UGT1A6: variants seen among roughly 807,000 people sequenced by gnomAD.
UGT1A6 encodes UDP-glucuronosyltransferase 1A6.
In UGT1A6, 32 loss-of-function variants were observed where a neutral mutation model predicts 44.4. That is an observed-to-expected ratio of 0.72 (90% CI 0.54 to 0.97). The LOEUF (loss-of-function observed/expected upper bound fraction) is 0.97, where lower values mean the gene tolerates loss of function less well. UGT1A6 is among the 50% of genes least tolerant of loss of function. The pLI is 0.00. For synonymous variants in UGT1A6, 238 were observed against 248.5 expected, an observed-to-expected ratio of 0.96 and a Z score of 0.40; for missense variants, 685 against 661.9, an observed-to-expected ratio of 1.03 and a Z score of -0.38.
In UGT1A6 at chr2:233,693,451, A is replaced by G. The variant is rs1260557973; in HGVS notation, c.447A>G (p.Thr149=). The part of the protein sequence containing the change: ...FKESKFDALF[T]DPALPCGVIL... ...AGAGCAAGTTTGATGCTCTTTTCAC[A>G]GACCCAGCCTTACCCTGTGGGGTGA... The change falls in exon 1 of 5, where the codon ACA becomes ACG. Residue 149 remains threonine, a synonymous_variant. Transcript: ENST00000305139. 6.2e-7 allele frequency: 1 copy of G among 1,614,126 alleles called. No individual in the cohort carries two copies. Among genetic ancestry groups the G allele is most frequent in the Non-Finnish European group, 8.5e-7 (1 of 1,180,028 alleles).
chr2:233,743,985 A>G (rs1333314866), intron 1 of UGT1A6: 3 of 1,283,108 alleles, frequency 2.3e-6, no homozygotes, highest in Non-Finnish European at 3.1e-6. Context: ...ACCCAGGCGC[A>G]GGCCCGAGTG....
At chr2:233,759,792 T>C (rs945566213) in intron 1 of UGT1A6, among the ~76,000 whole-genome samples, 3 of 152,146 alleles carry the variant, frequency 2.0e-5, no homozygotes, top group African/African-American at 7.2e-5. Flanking sequence ...ATGAAACACA[T>C]GATACAAGTG....
chr2:233,746,051 G>T (rs1270238597), intron 1 of UGT1A6, among the ~76,000 whole-genome samples: 3 of 151,680 alleles, frequency 2.0e-5, no homozygotes, highest in Non-Finnish European at 2.9e-5. Flanking sequence ...TGGATGCAGG[G>T]TCTAGAACGA....
intron 1 of UGT1A6, among the ~76,000 whole-genome samples, chr2:233,714,326 A>T (rs1163768805): frequency 6.6e-6 from 1 of 152,128 alleles, no homozygotes. Context: ...ACCACAGGAG[A>T]CCTAAGCACT....
chr2:233,729,776 C>T lies in UGT1A6; in HGVS notation c.861+35911C>T, dbSNP rs139850391. The T allele has an allele frequency of 1.9e-4, 310 of 1,613,846 alleles. 1 individual carries two copies. Among genetic ancestry groups the T allele is most frequent in the Non-Finnish European group, 2.3e-4 (267 of 1,179,864 alleles). ...CAAAGGGTCAAGAACATGCTCTACCCTCTGGCCCTGTCCTACATTTGCCAT... is the reference window on the plus strand; with the variant it reads ...CAAAGGGTCAAGAACATGCTCTACCTTCTGGCCCTGTCCTACATTTGCCAT... On this transcript the variant is annotated intron_variant, in intron 1 of 4. Transcript: ENST00000305139.
At chr2:233,755,411 C>G (rs1182147250) in intron 1 of UGT1A6, 4 of 330,942 alleles carry the variant, frequency 1.2e-5, no homozygotes, top group South Asian at 7.6e-5. Flanking sequence ...TTGGCCGAGG[C>G]CTGTGAGCGC....
chr2:233,733,931 G>A (rs1209244784), intron 1 of UGT1A6, among the ~76,000 whole-genome samples: 1 of 151,624 alleles, frequency 6.6e-6, no homozygotes, highest in Non-Finnish European at 1.5e-5. Flanking sequence ...TGAGGAAGGG[G>A]AACATCACAT....
At chr2:233,749,384 C>T (rs1010265911) in intron 1 of UGT1A6, among the ~76,000 whole-genome samples, 1 of 151,836 alleles carries the variant, frequency 6.6e-6, no homozygotes, top group Non-Finnish European at 1.5e-5. Flanking sequence ...TCCAGTTTTT[C>T]AATGTGAACA....
intron 1 of UGT1A6, among the ~76,000 whole-genome samples, chr2:233,736,036 C>T (rs2078722234): frequency 6.6e-6 from 1 of 152,082 alleles, no homozygotes; most frequent in Non-Finnish European, 1.5e-5. Context: ...CTCTGTATTT[C>T]CTGAATTTGA....
chr2:233,727,172 G>A (rs930119723), intron 1 of UGT1A6, among the ~76,000 whole-genome samples: 2 of 152,114 alleles, frequency 1.3e-5, no homozygotes, highest in African/African-American at 2.4e-5. Flanking sequence ...GCTTTTTTCT[G>A]TCTCTGGACT....
intron 1 of UGT1A6, among the ~76,000 whole-genome samples, chr2:233,759,944 G>C (rs1242141869): frequency 6.6e-6 from 1 of 152,160 alleles, no homozygotes; most frequent in African/African-American, 2.4e-5. Context: ...AGCCTAACTT[G>C]TTCACTACAT....
intron 1 of UGT1A6, among the ~76,000 whole-genome samples, chr2:233,712,441 G>A (rs991807443): frequency 3.3e-5 from 5 of 152,138 alleles, no homozygotes; most frequent in African/African-American, 9.7e-5. Context: ...TGTGAAAAAC[G>A]ACCAAAACCA....
chr2:233,711,913 T>C (rs1304030043), intron 1 of UGT1A6, among the ~76,000 whole-genome samples: 1 of 152,170 alleles, frequency 6.6e-6, no homozygotes, highest in Non-Finnish European at 1.5e-5. Context: ...CCATTGTGAG[T>C]GCTCAGGGTC....
intron 1 of UGT1A6, among the ~76,000 whole-genome samples, chr2:233,709,949 C>T (rs2076099737): frequency 6.6e-6 from 1 of 152,156 alleles, no homozygotes; most frequent in Admixed American, 6.5e-5. Flanking sequence ...GTTTCTGTTG[C>T]TGGATAACAG....
chr2:233,721,917 A>C (rs2076979949), intron 1 of UGT1A6: 1 of 410,562 alleles, frequency 2.4e-6, no homozygotes, highest in Admixed American at 2.7e-5. Flanking sequence ...CACTGCTTCC[A>C]TAAAGTGACA....
rs1298347226 is a variant in UGT1A6, at chr2:233,768,214, T to C, written c.1082-6T>C. ...CTGCTGACATCCTCCCTATTTTGCA[T>C]CTCAGGTCACCCGATGACCCGTGCC... On this transcript the variant is annotated splice_polypyrimidine_tract_variant and splice_region_variant and intron_variant, in intron 3 of 4. Coordinates refer to ENST00000305139, the MANE Select transcript of UGT1A6 (RefSeq NM_001072.4). The C allele has an allele frequency of 3.7e-6, 6 of 1,614,204 alleles. No homozygotes were observed. The highest frequency in any genetic ancestry group is 5.1e-6 in the Non-Finnish European group (6 of 1,180,044).
chr2:233,702,713 T>C (rs928931603), intron 1 of UGT1A6, among the ~76,000 whole-genome samples: 3 of 152,216 alleles, frequency 2.0e-5, no homozygotes, highest in African/African-American at 2.4e-5. Context: ...TCTGTGTCTA[T>C]TGAAATGAAC....
intron 1 of UGT1A6, among the ~76,000 whole-genome samples, chr2:233,715,001 C>T (rs1309641293): frequency 6.6e-6 from 1 of 152,178 alleles, no homozygotes; most frequent in South Asian, 2.1e-4. Flanking sequence ...CTCAGCCTCC[C>T]AAGTAGCTGG....
intron 1 of UGT1A6, among the ~76,000 whole-genome samples, chr2:233,717,303 C>T (rs1470939533): frequency 6.6e-6 from 1 of 152,168 alleles, no homozygotes; most frequent in East Asian, 1.9e-4. Context: ...AGCTGAGAAT[C>T]CCTTTCTAGC....
Sources: gnomAD v4.1 joint callset for allele counts (sites outside exome capture counted in the v4.1 genomes callset) on GRCh38, gnomAD v4.1.1 for gene constraint, MANE v1.5 for transcripts, NCBI Gene and HGNC (gene_info 2026-07-23, HGNC 2026-07-21) for gene names.